The following LPAR1 variants were observed in gnomAD, a reference collection of about 807,000 sequenced individuals.
LPAR1 encodes LPA receptor 1.
A neutral mutation model predicts 23.8 loss-of-function variants in LPAR1; 5 were observed. That is an observed-to-expected ratio of 0.21 (90% confidence interval 0.11 to 0.44). LPAR1 has a LOEUF of 0.44. LPAR1 is among the 20% of genes least tolerant of loss of function. LPAR1 has a pLI of 0.99. For missense variants in LPAR1, 311 were observed against 482.8 expected (o/e 0.64, Z 3.33); for synonymous variants, 160 against 164.7 (o/e 0.97, Z 0.22).
intron 4 of LPAR1, among the ~76,000 whole-genome samples, chr9:110,952,356 T>C (rs559029968): frequency 1.3e-5 from 2 of 152,220 alleles, no homozygotes; most frequent in East Asian, 3.9e-4. Context: ...GCAACAGCGT[T>C]ACTCCAGAGA....
rs1388007833 is a variant in LPAR1 at position 110,957,349 on chromosome 9, A to AT, written c.45+14723_45+14724insA. Among the ~76,000 whole-genome samples the AT allele has an allele frequency of 1.7e-4, 24 of 145,176 alleles. No individual in the cohort carries two copies. The East Asian group carries it at 2.6e-3, about 16-fold the overall frequency. ...AGTGATACTCTGTCTCAAAAAAAAAAAAATAATAATAATAATAATAATGCA... is the reference window on the plus strand; with the variant it reads ...AGTGATACTCTGTCTCAAAAAAAAAATAAATAATAATAATAATAATAATGCA... On this transcript the variant is annotated intron_variant, in intron 4 of 5. Transcript: ENST00000683809.
chr9:110,926,211 C>T (rs1430896703), intron 5 of LPAR1, among the ~76,000 whole-genome samples: 5 of 152,204 alleles, frequency 3.3e-5, no homozygotes, highest in East Asian at 1.9e-4. Flanking sequence ...TGAGCCACCA[C>T]GCCCAGCCCA....
intron 2 of LPAR1, among the ~76,000 whole-genome samples, chr9:110,977,705 G>A (rs1450721395): frequency 8.1e-6 from 1 of 123,250 alleles, no homozygotes; most frequent in Non-Finnish European, 1.7e-5. Flanking sequence ...AAACCACCAT[G>A]GCACATGTAT....
At chr9:110,933,883 T>C (rs2094538586) in intron 5 of LPAR1, among the ~76,000 whole-genome samples, 1 of 152,184 alleles carries the variant, frequency 6.6e-6, no homozygotes, top group Non-Finnish European at 1.5e-5. Context: ...GTTTAAACGT[T>C]TCTTCTGAGA....
chr9:110,929,697 AATGTGTGTGTGTGT>A (rs1564494023), intron 5 of LPAR1, among the ~76,000 whole-genome samples: 1 of 121,254 alleles, frequency 8.2e-6, no homozygotes, highest in Non-Finnish European at 1.6e-5. Flanking sequence ...CCCAGCCAAT[AATGTGTGTGTGTGT>A]GTGTGTGTGT....
At chr9:110,978,679 C>T (rs1004986503) in intron 2 of LPAR1, among the ~76,000 whole-genome samples, 1 of 152,140 alleles carries the variant, frequency 6.6e-6, no homozygotes, top group African/African-American at 2.4e-5. Context: ...TTATCTCTTC[C>T]GCCTATCAGA....
At position 110,875,255 on chromosome 9, in the gene LPAR1, A is replaced by G; in HGVS notation, c.*166T>C. On this transcript the variant is annotated 3_prime_UTR_variant, in exon 6 of 6. Transcript: ENST00000683809. ...TCACATAAGCTAATTTTCAATATATATCAAGTCTTGTGGGGTCCAGGAACA... is the reference window on the plus strand; with the variant it reads ...TCACATAAGCTAATTTTCAATATATGTCAAGTCTTGTGGGGTCCAGGAACA... 1 of 564,094 alleles carries G rather than the reference A, an allele frequency of 1.8e-6. No individual in the cohort carries two copies. 34.9% of individuals were successfully genotyped at this position (564,094 alleles called of 1,614,324 possible).
chr9:110,965,634 G>C (rs2096188633), intron 4 of LPAR1, among the ~76,000 whole-genome samples: 1 of 152,232 alleles, frequency 6.6e-6, no homozygotes, highest in Admixed American at 6.5e-5. Flanking sequence ...AGATGCTGAA[G>C]AGGATGTGGA....
chr9:110,960,146 A>G (rs1256973366), intron 4 of LPAR1, among the ~76,000 whole-genome samples: 1 of 152,172 alleles, frequency 6.6e-6, no homozygotes, highest in African/African-American at 2.4e-5. Context: ...CAGCAAGAAG[A>G]GAGAACTTAA....
At chr9:110,998,719 A>G (rs915553174) in intron 2 of LPAR1, among the ~76,000 whole-genome samples, 18 of 152,182 alleles carry the variant, frequency 1.2e-4, no homozygotes, top group African/African-American at 4.3e-4. Flanking sequence ...AAGGCAACAG[A>G]TTTAGTTTTG....
intron 5 of LPAR1, chr9:110,903,444 T>C (rs1450224574): frequency 6.6e-6 from 1 of 152,050 alleles, no homozygotes; most frequent in Non-Finnish European, 1.5e-5. Flanking sequence ...TTCCGTATTT[T>C]TTGAGAAATT....
intron 2 of LPAR1, among the ~76,000 whole-genome samples, chr9:110,984,652 G>T (rs974586392): frequency 6.6e-6 from 1 of 151,800 alleles, no homozygotes; most frequent in African/African-American, 2.4e-5. Flanking sequence ...TGAAAAATTT[G>T]TTCAAACACA....
At chr9:110,910,693 T>C (rs2092311192) in intron 5 of LPAR1, among the ~76,000 whole-genome samples, 1 of 152,198 alleles carries the variant, frequency 6.6e-6, no homozygotes, top group Admixed American at 6.5e-5. Flanking sequence ...TGATTCATAG[T>C]AGGAGGCCAA....
intron 5 of LPAR1, among the ~76,000 whole-genome samples, chr9:110,892,588 T>G (rs1429424328): frequency 2.0e-5 from 3 of 151,066 alleles, no homozygotes; most frequent in African/African-American, 7.3e-5. Flanking sequence ...CGCTTGATTT[T>G]GGGAGGCAGA....
rs550211325 is a variant in LPAR1 at position 110,902,001 on chromosome 9, A to G, written c.794-26279T>C. On this transcript the variant is annotated intron_variant, in intron 5 of 5. Transcript: ENST00000683809. ...TTCTCCCAGCTAAGTATAAATATAA[A>G]CCCTAGAAAAAAAACACAAAAGGAA... is the stretch of plus-strand genomic sequence containing the variant. 5.9e-5 allele frequency among the ~76,000 whole-genome samples: 9 copies of G among 152,084 alleles called. 1 individual carries two copies. The South Asian group carries it at 1.9e-3, about 32-fold the overall frequency.
At chr9:110,900,400 C>A (rs745878001) in intron 5 of LPAR1, among the ~76,000 whole-genome samples, 1 of 152,082 alleles carries the variant, frequency 6.6e-6, no homozygotes, top group Non-Finnish European at 1.5e-5. Flanking sequence ...CTTTAGTGGT[C>A]CGTATTTCTC....
chr9:111,033,971 T>C (rs976331303), intron 2 of LPAR1, among the ~76,000 whole-genome samples: 1 of 152,230 alleles, frequency 6.6e-6, no homozygotes, highest in East Asian at 1.9e-4. Flanking sequence ...TATATCCTCC[T>C]GTGACACAGA....
intron 2 of LPAR1, among the ~76,000 whole-genome samples, chr9:110,998,857 CATAG>C (rs1298534297): frequency 2.0e-5 from 3 of 152,122 alleles, no homozygotes. Flanking sequence ...ATATCTAATG[CATAG>C]ATAGATTTCT....
At chr9:110,880,128 C>T (rs2080316782) in intron 5 of LPAR1, among the ~76,000 whole-genome samples, 1 of 152,152 alleles carries the variant, frequency 6.6e-6, no homozygotes, top group African/African-American at 2.4e-5. Context: ...GCCAATATTA[C>T]AAGTAACATG....
Sources: gnomAD v4.1 joint callset for allele counts (sites outside exome capture counted in the v4.1 genomes callset) on GRCh38, gnomAD v4.1.1 for gene constraint, MANE v1.5 for transcripts, NCBI Gene and HGNC (gene_info 2026-07-23, HGNC 2026-07-21) for gene names.